The following FSHR variants were observed in gnomAD, a reference collection of about 807,000 sequenced individuals.
FSHR encodes the protein follicle-stimulating hormone receptor.
In FSHR, 46 loss-of-function variants were observed where a neutral mutation model predicts 52.1. The observed-to-expected ratio is 0.88, with a 90% CI of 0.70 to 1.13. The LOEUF is 1.13. Among genes scored for constraint, FSHR ranks in the 50% most tolerant of loss-of-function variants. FSHR has a pLI of 0.00. For missense variants in FSHR, 964 were observed against 834.6 expected (o/e 1.16, Z -1.91); for synonymous variants, 399 against 309.6 (o/e 1.29, Z -3.03).
At position 48,962,943 on chromosome 2, in the gene FSHR, A is replaced by G. The variant is rs114297239; in HGVS notation, c.1878T>C (p.Tyr626=). ...PINSCANPFL[Y]AIFTKNFRRD... ...TGCGAAAGTTTTTGGTAAAGATGGC[A>G]TAGAGGAAGGGGTTGGCACAGGAGT... The change falls in exon 10 of 10, where the codon TAT becomes TAC. Residue 626 remains tyrosine (Y), a synonymous_variant. Transcript: ENST00000406846. The G allele has an allele frequency of 4.8e-5, 77 of 1,614,032 alleles. 1 individual carries two copies. The highest frequency in any genetic ancestry group is 8.9e-5 in the East Asian group (4 of 44,886).
At chr2:49,089,792 C>A (rs1000274365) in intron 1 of FSHR, among the ~76,000 whole-genome samples, 1 of 152,142 alleles carries the variant, frequency 6.6e-6, no homozygotes, top group African/African-American at 2.4e-5. Flanking sequence ...TAAAAGGGGT[C>A]TTTGCACTAA....
At chr2:49,093,706 C>T (rs976399918) in intron 1 of FSHR, among the ~76,000 whole-genome samples, 10 of 151,564 alleles carry the variant, frequency 6.6e-5, no homozygotes, top group Admixed American at 3.9e-4. Context: ...GCGATCCTCC[C>T]GCCTCAGCCA....
chr2:49,079,026 C>T lies in FSHR; in HGVS notation c.153-10736G>A, dbSNP rs191648511. Among the ~76,000 whole-genome samples, 55 of 152,192 alleles carry T rather than the reference C, an allele frequency of 3.6e-4. No individual in the cohort carries two copies. The South Asian group carries it at 7.3e-3, about 20-fold the overall frequency. ...CAAAGCCTACTCTGTAACCAGTCTA[C>T]GACATCACTATGACAGCTGATAAGA... On this transcript the variant is annotated intron_variant, in intron 1 of 9. Transcript: ENST00000406846.
chr2:49,097,407 C>A (rs1205287542), intron 1 of FSHR, among the ~76,000 whole-genome samples: 1 of 152,274 alleles, frequency 6.6e-6, no homozygotes, highest in African/African-American at 2.4e-5. Flanking sequence ...GGGAACTTCA[C>A]AATTTTGGCT....
At chr2:49,030,765 A>G (rs146346360) in intron 2 of FSHR, among the ~76,000 whole-genome samples, 17 of 152,240 alleles carry the variant, frequency 1.1e-4, no homozygotes, top group Admixed American at 8.5e-4. Flanking sequence ...AACTGGTTTT[A>G]TATCCATTTT....
At chr2:49,039,093 C>T (rs535173013) in intron 2 of FSHR, among the ~76,000 whole-genome samples, 1 of 152,088 alleles carries the variant, frequency 6.6e-6, no homozygotes, top group African/African-American at 2.4e-5. Flanking sequence ...AGTTTTCACA[C>T]ATCCATAGAC....
intron 4 of FSHR, among the ~76,000 whole-genome samples, chr2:49,008,854 G>T (rs1376287749): frequency 1.3e-5 from 2 of 149,656 alleles, no homozygotes; most frequent in African/African-American, 4.9e-5. Context: ...CATGTCCTTC[G>T]CCCACTTTTT....
intron 8 of FSHR, among the ~76,000 whole-genome samples, chr2:48,973,734 T>C (rs530466324): frequency 4.7e-4 from 72 of 152,320 alleles, no homozygotes; most frequent in African/African-American, 1.6e-3. Flanking sequence ...ACTTATTGCT[T>C]TGTTAGAAGA....
intron 1 of FSHR, among the ~76,000 whole-genome samples, chr2:49,151,631 A>G (rs915098024): frequency 1.3e-5 from 2 of 152,176 alleles, no homozygotes; most frequent in African/African-American, 4.8e-5. Context: ...CTGAGTAACA[A>G]TGAAGCTTTG....
Position 48,963,070 on chromosome 2 carries a change from C to T in FSHR, c.1751G>A (p.Cys584Tyr). ...MAMLIFTDFL[C>Y]MAPISFFAIS... ...GGCAAAGAAAGAAATGGGTGCCATG[C>T]AGAGGAAGTCAGTGAAGATGAGCAT... Residue 584 changes from cysteine (C) to tyrosine (Y), a missense_variant, in exon 10 of 10, where the codon TGC (cysteine) becomes TAC (tyrosine). Transcript: ENST00000406846. 1.2e-6 allele frequency: 2 copies of T among 1,614,014 alleles called. No homozygotes were observed. The highest frequency in any genetic ancestry group is 1.7e-6 in the Non-Finnish European group (2 of 1,179,994).
At chr2:49,038,818 G>T (rs1447241683) in intron 2 of FSHR, among the ~76,000 whole-genome samples, 1 of 151,684 alleles carries the variant, frequency 6.6e-6, no homozygotes, top group Non-Finnish European at 1.5e-5. Context: ...TTAATTTTGA[G>T]ACTTCATAAA....
chr2:49,102,595 T>A (rs898085880), intron 1 of FSHR, among the ~76,000 whole-genome samples: 1 of 152,142 alleles, frequency 6.6e-6, no homozygotes, highest in Non-Finnish European at 1.5e-5. Flanking sequence ...AATGATGTGC[T>A]CTGAAAGTGA....
chr2:49,051,506 A>G (rs1668855072), intron 2 of FSHR, among the ~76,000 whole-genome samples: 1 of 151,948 alleles, frequency 6.6e-6, no homozygotes. Context: ...CTGTTCAGAT[A>G]TTTTGCCCAT....
Position 48,963,073 on chromosome 2 carries a change from A to T in FSHR, c.1748T>A (p.Leu583His). 6.2e-7 allele frequency: 1 copy of T among 1,614,122 alleles called. No individual in the cohort carries two copies. The highest frequency in any genetic ancestry group is 8.5e-7 in the Non-Finnish European group (1 of 1,180,014). Residue 583 changes from leucine to histidine, a missense_variant, in exon 10 of 10, where the codon CTC becomes CAC. Leu to His is a moderately conservative substitution (Grantham distance 99, BLOSUM62 -3). Coordinates refer to ENST00000406846, the MANE Select transcript of FSHR (RefSeq NM_000145.4). ...RMAMLIFTDFLCMAPISFFAI... is the reference protein window; with the variant it reads ...RMAMLIFTDFHCMAPISFFAI... ...AAAGAAAGAAATGGGTGCCATGCAG[A>T]GGAAGTCAGTGAAGATGAGCATGGC... is the stretch of plus-strand genomic sequence containing the variant.
intron 8 of FSHR, among the ~76,000 whole-genome samples, chr2:48,977,124 C>T (rs1675026144): frequency 1.1e-5 from 1 of 87,458 alleles, no homozygotes; most frequent in Non-Finnish European, 2.0e-5. Flanking sequence ...ATCCCCTCTC[C>T]TCTCTCTCTC....
chr2:49,091,316 A>T (rs541670635), intron 1 of FSHR, among the ~76,000 whole-genome samples: 12 of 152,158 alleles, frequency 7.9e-5, no homozygotes, highest in East Asian at 3.9e-4. Flanking sequence ...TTAAAAAAAA[A>T]TTTTTGAGAC....
chr2:48,980,736 A>G (rs765372321), intron 8 of FSHR, among the ~76,000 whole-genome samples: 7 of 152,182 alleles, frequency 4.6e-5, no homozygotes, highest in Non-Finnish European at 8.8e-5. Flanking sequence ...GTGAGGCAGA[A>G]GACCTAGTTT....
intron 2 of FSHR, among the ~76,000 whole-genome samples, chr2:49,033,341 C>A (rs939843833): frequency 6.6e-6 from 1 of 152,098 alleles, no homozygotes; most frequent in African/African-American, 2.4e-5. Flanking sequence ...ATAGTAGAAA[C>A]AGTTTATAAC....
intron 6 of FSHR, 121 bp from the exon 7 acceptor site, chr2:48,983,287 C>CT (rs1675340605): frequency 1.2e-6 from 1 of 832,604 alleles, no homozygotes; most frequent in African/African-American, 1.7e-5. Context: ...GAAAATGCCA[C>CT]TTTTAAAGCT....
Sources: allele counts gnomAD v4.1 joint callset (sites outside exome capture counted in the v4.1 genomes callset), GRCh38; gene constraint gnomAD v4.1.1; transcripts MANE v1.5; gene names NCBI Gene and HGNC (gene_info 2026-07-23, HGNC 2026-07-21).